DPP10: variants seen among roughly 807,000 people sequenced by gnomAD.
The protein encoded by DPP10 is inactive dipeptidyl peptidase 10.
In DPP10, 33 loss-of-function variants were observed where a neutral mutation model predicts 120.9. The ratio of observed to expected loss-of-function variants is 0.27; its 90% CI spans 0.21 to 0.37. The LOEUF (loss-of-function observed/expected upper bound fraction) is 0.37, where lower values mean the gene tolerates loss of function less well. Ranked by LOEUF, DPP10 falls within the 10% of genes least tolerant of loss-of-function variation. The pLI, the probability that DPP10 is intolerant of heterozygous loss-of-function variation, is 1.00. For missense variants in DPP10, 816 were observed against 942.8 expected, an observed-to-expected ratio of 0.87 and a Z score of 1.76; for synonymous variants, 337 against 326.1, an observed-to-expected ratio of 1.03 and a Z score of -0.36.
chr2:115,388,124 A>C (rs566621974), intron 3 of DPP10, among the ~76,000 whole-genome samples: 1 of 152,350 alleles, frequency 6.6e-6, no homozygotes, highest in East Asian at 1.9e-4. Context: ...TTCTCAGAAG[A>C]AGCGATTGAA....
At chr2:115,834,827 C>T (rs1559219112) in intron 21 of DPP10, among the ~76,000 whole-genome samples, 1 of 152,106 alleles carries the variant, frequency 6.6e-6, no homozygotes, top group Non-Finnish European at 1.5e-5. Context: ...TGGCTCACGC[C>T]TGTAATCCCA....
At chr2:114,979,279 TTTAA>T (rs1284832140) in intron 1 of DPP10, among the ~76,000 whole-genome samples, 1 of 151,980 alleles carries the variant, frequency 6.6e-6, no homozygotes, top group African/African-American at 2.4e-5. Context: ...TTTAAAAAAA[TTTAA>T]TTAAAATAAA....
At chr2:114,726,107 G>T (rs1702031096) in intron 1 of DPP10, among the ~76,000 whole-genome samples, 1 of 151,858 alleles carries the variant, frequency 6.6e-6, no homozygotes, top group South Asian at 2.1e-4. Context: ...ATAGTGGTGG[G>T]CGCCTGTAGT....
chr2:115,750,459 A>G (rs1304514861), intron 10 of DPP10, among the ~76,000 whole-genome samples: 1 of 152,142 alleles, frequency 6.6e-6, no homozygotes, highest in Admixed American at 6.6e-5. Context: ...GACTTTACCA[A>G]TTAAAATTTG....
intron 1 of DPP10, among the ~76,000 whole-genome samples, chr2:115,071,037 T>A (rs941940815): frequency 2.0e-5 from 3 of 152,216 alleles, no homozygotes; most frequent in Non-Finnish European, 2.9e-5. Context: ...ATGTTGCAAT[T>A]AAATGTCTAT....
intron 3 of DPP10, among the ~76,000 whole-genome samples, chr2:115,425,796 C>T (rs554111973): frequency 6.6e-6 from 1 of 152,204 alleles, no homozygotes; most frequent in South Asian, 2.1e-4. Context: ...GCAGAGTGTA[C>T]AAGCATAGCA....
intron 1 of DPP10, among the ~76,000 whole-genome samples, chr2:114,679,748 A>T (rs1254233376): frequency 2.0e-5 from 3 of 152,028 alleles, no homozygotes; most frequent in Non-Finnish European, 2.9e-5. Context: ...GATTTATTAA[A>T]TGTCACCTTA....
At chr2:114,593,249 G>A (rs184588897) in intron 1 of DPP10, among the ~76,000 whole-genome samples, 9 of 152,204 alleles carry the variant, frequency 5.9e-5, no homozygotes, top group African/African-American at 1.7e-4. Context: ...AAATTAGAAC[G>A]GTAATATAGA....
At chr2:115,801,188 T>C (rs1685193335) in intron 19 of DPP10, among the ~76,000 whole-genome samples, 2 of 150,878 alleles carry the variant, frequency 1.3e-5, no homozygotes, top group African/African-American at 5.0e-5. Flanking sequence ...TTTTATTCTC[T>C]TTGAAACAAT....
At chr2:115,113,648 A>G (rs769877817) in intron 1 of DPP10, among the ~76,000 whole-genome samples, 3 of 152,104 alleles carry the variant, frequency 2.0e-5, no homozygotes, top group Non-Finnish European at 4.4e-5. Context: ...TATTCGCCAT[A>G]TTATGCTTCA....
intron 1 of DPP10, among the ~76,000 whole-genome samples, chr2:114,530,170 T>G (rs1167375146): frequency 2.6e-5 from 4 of 152,168 alleles, no homozygotes; most frequent in Non-Finnish European, 5.9e-5. Flanking sequence ...CCAAAGCATT[T>G]ATGATGGAGT....
At chr2:115,123,556 C>A (rs939866215) in intron 1 of DPP10, among the ~76,000 whole-genome samples, 4 of 152,172 alleles carry the variant, frequency 2.6e-5, no homozygotes, top group African/African-American at 9.7e-5. Flanking sequence ...TCTTGGTGCA[C>A]ATATTTGAGC....
rs370974952 is a variant in DPP10 at position 114,517,946 on chromosome 2, T to C, written c.60+75108T>C. ...CAGTCATTGGCCTTTCGTCTTCGTCTTCTGCACCGATTCAGTCATTTCATT... is the reference window on the plus strand; with the variant it reads ...CAGTCATTGGCCTTTCGTCTTCGTCCTCTGCACCGATTCAGTCATTTCATT... On this transcript the variant is annotated intron_variant, in intron 1 of 25. Coordinates refer to ENST00000410059, the MANE Select transcript of DPP10 (RefSeq NM_020868.6). Among the ~76,000 whole-genome samples the C allele has an allele frequency of 3.3e-5, 5 of 152,326 alleles. No individual in the cohort carries two copies. The East Asian group carries it at 7.7e-4, about 23-fold the overall frequency.
chr2:114,888,262 G>A (rs1248274883), intron 1 of DPP10, among the ~76,000 whole-genome samples: 1 of 152,086 alleles, frequency 6.6e-6, no homozygotes, highest in Non-Finnish European at 1.5e-5. Context: ...TTTGTGCATA[G>A]TTTTCCAGCA....
intron 1 of DPP10, among the ~76,000 whole-genome samples, chr2:115,252,408 A>C (rs1321158114): frequency 6.6e-6 from 1 of 152,156 alleles, no homozygotes; most frequent in Non-Finnish European, 1.5e-5. Context: ...CCTGACTGCA[A>C]TGGGCTGTTA....
At chr2:114,524,130 G>T (rs1008117852) in intron 1 of DPP10, among the ~76,000 whole-genome samples, 1 of 152,162 alleles carries the variant, frequency 6.6e-6, no homozygotes, top group South Asian at 2.1e-4. Context: ...ACATTCTTTA[G>T]CAAATGTGGA....
At position 114,824,610 on chromosome 2, in the gene DPP10, GT is replaced by G. The variant is rs535502938; in HGVS notation, c.60+381783del. ...TTTGGTACATCAGAGTTCCATGTTAGTTTTTTTTTTTATTTTAAGATTTAAT... is the reference window on the plus strand; with the variant it reads ...TTTGGTACATCAGAGTTCCATGTTAGTTTTTTTTTTATTTTAAGATTTAAT... On this transcript the variant is annotated intron_variant, in intron 1 of 25. Transcript: ENST00000410059. 2.3e-3 allele frequency among the ~76,000 whole-genome samples: 334 copies of G among 147,308 alleles called. 1 individual carries two copies. The highest frequency in any genetic ancestry group is 7.7e-3 in the South Asian group (36 of 4,662).
At chr2:114,841,588 A>T (rs1232958567) in intron 1 of DPP10, among the ~76,000 whole-genome samples, 1 of 152,158 alleles carries the variant, frequency 6.6e-6, no homozygotes, top group African/African-American at 2.4e-5. Context: ...GTTATGGATT[A>T]GAGTGTTTCC....
At chr2:115,608,161 G>A (rs1319195335) in intron 5 of DPP10, among the ~76,000 whole-genome samples, 1 of 152,132 alleles carries the variant, frequency 6.6e-6, no homozygotes, top group Non-Finnish European at 1.5e-5. Flanking sequence ...GCAGAGGCGG[G>A]CAGATCACTT....
Sources: allele counts gnomAD v4.1 joint callset (sites outside exome capture counted in the v4.1 genomes callset), GRCh38; gene constraint gnomAD v4.1.1; transcripts MANE v1.5; gene names NCBI Gene and HGNC (gene_info 2026-07-23, HGNC 2026-07-21).